ASTN1: variants seen among roughly 807,000 people sequenced by gnomAD.
The protein encoded by ASTN1 is astrotactin-1.
ASTN1 carries 41 observed loss-of-function variants against 140.7 expected under a neutral mutation model. The observed-to-expected ratio is 0.29, with a 90% confidence interval of 0.23 to 0.38. The LOEUF (loss-of-function observed/expected upper bound fraction) is 0.38, where lower values mean the gene tolerates loss of function less well. Ranked by LOEUF, ASTN1 falls within the 10% of genes least tolerant of loss-of-function variation. The probability of loss-of-function intolerance (pLI) is 1.00; values close to 1 mark genes in which losing one functional copy is unlikely to be tolerated. For synonymous variants in ASTN1, 640 were observed against 652.2 expected, an observed-to-expected ratio of 0.98 and a Z score of 0.29; for missense variants, 1,479 against 1,678.8, an observed-to-expected ratio of 0.88 and a Z score of 2.08.
chr1:176,996,704 G>C (rs897252381), intron 8 of ASTN1, among the ~76,000 whole-genome samples: 1 of 152,156 alleles, frequency 6.6e-6, no homozygotes, highest in Admixed American at 6.5e-5. Context: ...CACATCAGGG[G>C]TTGCTGGGAA....
intron 1 of ASTN1, among the ~76,000 whole-genome samples, chr1:177,079,446 A>C (rs12731276): frequency 0.45 from 68,844 of 151,596 alleles, 17,023 homozygotes; most frequent in Non-Finnish European, 0.56. Flanking sequence ...AAGAACTTAG[A>C]CCCTATGAGT....
intron 16 of ASTN1, among the ~76,000 whole-genome samples, chr1:176,906,950 G>A (rs188221673): frequency 3.3e-4 from 50 of 152,224 alleles, no homozygotes; most frequent in African/African-American, 1.1e-3. Context: ...TTTATAGCTG[G>A]TATAAATTAG....
chr1:177,023,213 T>G (rs1571664504), intron 7 of ASTN1, among the ~76,000 whole-genome samples, 191 bp downstream of exon 7: 1 of 152,212 alleles, frequency 6.6e-6, no homozygotes, highest in Non-Finnish European at 1.5e-5. Context: ...CTTCCAAGTC[T>G]TCTGCCAGAA....
At position 176,946,033 on chromosome 1, in the gene ASTN1, T is replaced by C; in HGVS notation, c.2142A>G (p.Glu714=). 1 of 1,614,126 alleles carries C rather than the reference T, an allele frequency of 6.2e-7. No homozygotes were observed. Among genetic ancestry groups the C allele is most frequent in the Non-Finnish European group, 8.5e-7 (1 of 1,179,992 alleles). The change falls in exon 13 of 23, where the codon GAA becomes GAG. Residue 714 remains glutamate, a synonymous_variant. Transcript: ENST00000361833. ...TCTGGTTCATGGGAAGCTCCCTGCT[T>C]TCCCCACAGTCACTTCCCTCTGGAC... is the stretch of plus-strand genomic sequence containing the variant. ...ETCPEGSDCG[E]SRELPMNQTL...
intron 1 of ASTN1, among the ~76,000 whole-genome samples, chr1:177,082,386 C>T (rs1412759572): frequency 6.6e-6 from 1 of 152,176 alleles, no homozygotes; most frequent in Admixed American, 6.5e-5. Context: ...TAAAATGTCT[C>T]ATTCCATGCT....
At chr1:177,148,135 C>T (rs1682799761) in intron 1 of ASTN1, among the ~76,000 whole-genome samples, 1 of 152,000 alleles carries the variant, frequency 6.6e-6, no homozygotes, top group Non-Finnish European at 1.5e-5. Context: ...CGAAAATTTT[C>T]AGGCCGGGTG....
At chr1:176,984,634 G>C (rs986083638) in intron 8 of ASTN1, among the ~76,000 whole-genome samples, 6 of 152,136 alleles carry the variant, frequency 3.9e-5, no homozygotes, top group African/African-American at 1.4e-4. Flanking sequence ...TTCTTCTAGG[G>C]AAGACCATTC....
At chr1:177,137,764 C>T (rs1156273602) in intron 1 of ASTN1, among the ~76,000 whole-genome samples, 2 of 152,158 alleles carry the variant, frequency 1.3e-5, no homozygotes. Flanking sequence ...TCTCCTGCCT[C>T]TTAGCCTAAA....
intron 1 of ASTN1, among the ~76,000 whole-genome samples, chr1:177,161,919 G>C (rs946377134): frequency 6.6e-6 from 1 of 152,086 alleles, no homozygotes; most frequent in Non-Finnish European, 1.5e-5. Flanking sequence ...GCTCTTACAG[G>C]TATCTTTGTG....
intron 8 of ASTN1, among the ~76,000 whole-genome samples, chr1:177,011,494 G>C (rs571013633): frequency 6.6e-6 from 1 of 152,152 alleles, no homozygotes; most frequent in Admixed American, 6.6e-5. Flanking sequence ...AAACACAAAT[G>C]AGTAGGAGAA....
chr1:176,942,451 C>G (rs968693376), intron 14 of ASTN1, among the ~76,000 whole-genome samples: 1 of 152,036 alleles, frequency 6.6e-6, no homozygotes, highest in Non-Finnish European at 1.5e-5. Context: ...TTTAACATAA[C>G]TTGATGTCTG....
Position 177,162,059 on chromosome 1 carries a change from G to A in ASTN1, c.283+2335C>T, listed in dbSNP as rs571193286. ...GAATTGACTGATTCAGATTCCTCCAGGAGATGGATTAAGTAAACAAGGTTC... is the reference window on the plus strand; with the variant it reads ...GAATTGACTGATTCAGATTCCTCCAAGAGATGGATTAAGTAAACAAGGTTC... On this transcript the variant is annotated intron_variant, in intron 1 of 22. Coordinates refer to ENST00000361833, the MANE Select transcript of ASTN1 (RefSeq NM_004319.3). 6.3e-4 allele frequency among the ~76,000 whole-genome samples: 96 copies of A among 152,298 alleles called. 1 individual carries two copies. Among genetic ancestry groups the A allele is most frequent in the African/African-American group, 2.2e-3 (90 of 41,560 alleles).
intron 1 of ASTN1, among the ~76,000 whole-genome samples, chr1:177,082,476 G>A (rs1251015486): frequency 2.0e-5 from 3 of 152,114 alleles, no homozygotes; most frequent in African/African-American, 4.8e-5. Flanking sequence ...AAAGCTGTTT[G>A]AAGCTTAAGC....
chr1:176,957,803 A>C lies in ASTN1; in HGVS notation c.1762T>G (p.Phe588Val). Residue 588 changes from phenylalanine to valine, a missense_variant, in exon 11 of 23, where the codon TTC becomes GTC. Physicochemically the swap from Phe to Val is conservative, Grantham distance 50. Coordinates refer to ENST00000361833, the MANE Select transcript of ASTN1 (RefSeq NM_004319.3). ...VREELMTSSSFDSLEVLLDSF... is the reference protein window; with the variant it reads ...VREELMTSSSVDSLEVLLDSF... The stretch of plus-strand genomic sequence containing the variant: ...TCTAAGAGAACCTCCAGGCTGTCGA[A>C]GGAGGATGAAGTCATCAGCTCCTCT... 7 of 1,614,036 alleles carry C rather than the reference A, an allele frequency of 4.3e-6. No individual in the cohort carries two copies. The highest frequency in any genetic ancestry group is 5.9e-6 in the Non-Finnish European group (7 of 1,179,948).
intron 3 of ASTN1, among the ~76,000 whole-genome samples, chr1:177,031,326 C>T (rs1004555123): frequency 6.6e-6 from 1 of 152,188 alleles, no homozygotes; most frequent in Non-Finnish European, 1.5e-5. Flanking sequence ...TGCATTCAGG[C>T]AGAACATGCC....
intron 18 of ASTN1, 126 bp from the exon 19 acceptor site, chr1:176,884,616 G>A (rs1668954330): frequency 9.6e-7 from 1 of 1,040,556 alleles, no homozygotes; most frequent in Non-Finnish European, 1.4e-6. Flanking sequence ...ATCTCTTTGA[G>A]GGCCTGTCTC....
chr1:176,873,528 A>G (rs1474034019), intron 21 of ASTN1, among the ~76,000 whole-genome samples: 1 of 152,168 alleles, frequency 6.6e-6, no homozygotes, highest in African/African-American at 2.4e-5. Flanking sequence ...CAGGTCACTT[A>G]AAAGGTAATT....
intron 8 of ASTN1, among the ~76,000 whole-genome samples, chr1:176,973,077 T>C (rs1340036502): frequency 6.6e-6 from 1 of 152,132 alleles, no homozygotes; most frequent in African/African-American, 2.4e-5. Context: ...ACTCAGCTCT[T>C]TGACCTTTCT....
At chr1:177,046,650 C>A (rs1242495544) in intron 2 of ASTN1, among the ~76,000 whole-genome samples, 1 of 152,180 alleles carries the variant, frequency 6.6e-6, no homozygotes, top group Non-Finnish European at 1.5e-5. Context: ...TCAGTATCAA[C>A]TTAAAAAATT....
Sources: allele counts gnomAD v4.1 joint callset (sites outside exome capture counted in the v4.1 genomes callset), GRCh38; gene constraint gnomAD v4.1.1; transcripts MANE v1.5; gene names NCBI Gene and HGNC (gene_info 2026-07-23, HGNC 2026-07-21).